The following LHFPL3 variants were observed in gnomAD, a reference collection of about 807,000 sequenced individuals.
The protein encoded by LHFPL3 is LHFPL tetraspan subfamily member 3.
Under a neutral mutation model 19.3 loss-of-function variants are expected in LHFPL3, and 5 were observed. The ratio of observed to expected loss-of-function variants is 0.26; its 90% CI spans 0.14 to 0.54. The LOEUF is 0.54. Among genes scored for constraint, LHFPL3 ranks in the 20% least tolerant of loss-of-function variants. LHFPL3 has a pLI of 0.94. For missense variants in LHFPL3, 249 were observed against 307.4 expected (o/e 0.81, Z 1.42); for synonymous variants, 133 against 126.2 (o/e 1.05, Z -0.36).
chr7:104,821,191 C>T (rs1038869631), intron 2 of LHFPL3, among the ~76,000 whole-genome samples: 1 of 152,190 alleles, frequency 6.6e-6, no homozygotes, highest in Non-Finnish European at 1.5e-5. Context: ...CAAAGAAAAT[C>T]TATTTCATGG....
chr7:104,703,901 T>C (rs1286898221), intron 1 of LHFPL3, among the ~76,000 whole-genome samples: 1 of 152,196 alleles, frequency 6.6e-6, no homozygotes, highest in Non-Finnish European at 1.5e-5. Context: ...CTTCCTGGGC[T>C]TACCTTAGCT....
intron 1 of LHFPL3, among the ~76,000 whole-genome samples, chr7:104,651,625 C>T (rs2008042): frequency 0.97 from 147,898 of 152,352 alleles, 71,921 homozygotes; most frequent in East Asian, 1. Context: ...TTTATAAAAG[C>T]ATACAATAGA....
chr7:104,515,654 G>GT (rs1302400467), intron 1 of LHFPL3, among the ~76,000 whole-genome samples: 1 of 152,174 alleles, frequency 6.6e-6, no homozygotes, highest in Non-Finnish European at 1.5e-5. Flanking sequence ...GAAGTAGTGT[G>GT]TTCCATTCCA....
At chr7:104,639,408 G>C (rs1791788879) in intron 1 of LHFPL3, among the ~76,000 whole-genome samples, 1 of 152,088 alleles carries the variant, frequency 6.6e-6, no homozygotes, top group Admixed American at 6.6e-5. Flanking sequence ...TATTTCTGTG[G>C]AGTCAGTGGT....
intron 1 of LHFPL3, among the ~76,000 whole-genome samples, chr7:104,665,155 G>T (rs1562961079): frequency 6.6e-6 from 1 of 152,106 alleles, no homozygotes; most frequent in Non-Finnish European, 1.5e-5. Flanking sequence ...TTCAAAATAG[G>T]TCATTCACTC....
intron 2 of LHFPL3, among the ~76,000 whole-genome samples, chr7:104,794,656 C>T (rs999981602): frequency 1.3e-5 from 2 of 152,160 alleles, no homozygotes; most frequent in African/African-American, 2.4e-5. Context: ...TCTAATCAAG[C>T]AGTTCAGTGT....
At chr7:104,711,853 T>A (rs1793304881) in intron 1 of LHFPL3, among the ~76,000 whole-genome samples, 1 of 152,330 alleles carries the variant, frequency 6.6e-6, no homozygotes. Flanking sequence ...ATTGATCTCA[T>A]GCCCGTCAAT....
chr7:104,725,196 A>G (rs760341364), intron 1 of LHFPL3, among the ~76,000 whole-genome samples: 6 of 151,988 alleles, frequency 3.9e-5, no homozygotes, highest in African/African-American at 1.2e-4. Context: ...TTTTATCCCA[A>G]TTTGTAACTT....
intron 1 of LHFPL3, among the ~76,000 whole-genome samples, chr7:104,355,795 G>T (rs993024002): frequency 6.6e-6 from 1 of 152,148 alleles, no homozygotes; most frequent in Non-Finnish European, 1.5e-5. Context: ...AGCGGCAAAG[G>T]CTCTTCCTCC....
At chr7:104,592,761 G>C (rs1790753314) in intron 1 of LHFPL3, among the ~76,000 whole-genome samples, 1 of 152,164 alleles carries the variant, frequency 6.6e-6, no homozygotes, top group Non-Finnish European at 1.5e-5. Flanking sequence ...CCCAGTTCCA[G>C]CTTCCTGGCA....
At chr7:104,469,920 C>G (rs1792873986) in intron 1 of LHFPL3, 1 of 431,834 alleles carries the variant, frequency 2.3e-6, no homozygotes, top group African/African-American at 2.0e-5. Context: ...CTAACATTCC[C>G]TCTGAGCACA....
At position 104,535,237 on chromosome 7, in the gene LHFPL3, G is replaced by C. The variant is rs80335452; in HGVS notation, c.446-201438G>C. 8.7e-3 allele frequency among the ~76,000 whole-genome samples: 1,330 copies of C among 152,234 alleles called. 19 individuals carry two copies. Among genetic ancestry groups the C allele is most frequent in the African/African-American group, 0.03 (1,251 of 41,532 alleles). ...CACTTGGTATTATTTCACGTCTCTG[G>C]AAAAGGATTGCTCACATTATATAAC... On this transcript the variant is annotated intron_variant, in intron 1 of 2. Coordinates refer to ENST00000424859, the MANE Select transcript of LHFPL3 (RefSeq NM_199000.3).
At chr7:104,410,975 C>A (rs1303045653) in intron 1 of LHFPL3, among the ~76,000 whole-genome samples, 1 of 152,020 alleles carries the variant, frequency 6.6e-6, no homozygotes, top group Non-Finnish European at 1.5e-5. Context: ...TAGGGCCCAG[C>A]CAGACATTAT....
At chr7:104,834,684 A>G (rs1177328427) in intron 2 of LHFPL3, among the ~76,000 whole-genome samples, 1 of 151,974 alleles carries the variant, frequency 6.6e-6, no homozygotes, top group Non-Finnish European at 1.5e-5. Context: ...CCAATTTTCT[A>G]TTGACTTGTC....
chr7:104,335,576 C>T (rs1225314543), intron 1 of LHFPL3, among the ~76,000 whole-genome samples: 1 of 152,012 alleles, frequency 6.6e-6, no homozygotes, highest in East Asian at 1.9e-4. Context: ...CCCATATAAC[C>T]CATACAATAT....
intron 1 of LHFPL3, among the ~76,000 whole-genome samples, chr7:104,576,939 C>A (rs746793257): frequency 6.6e-6 from 1 of 152,198 alleles, no homozygotes; most frequent in African/African-American, 2.4e-5. Context: ...ATGAATCTGT[C>A]ACCAGAGTTT....
intron 2 of LHFPL3, among the ~76,000 whole-genome samples, chr7:104,879,391 G>A (rs1246026768): frequency 6.6e-6 from 1 of 151,972 alleles, no homozygotes; most frequent in Non-Finnish European, 1.5e-5. Context: ...GCTCTGGTCT[G>A]TGCAACAGAG....
At chr7:104,720,193 A>G (rs907879129) in intron 1 of LHFPL3, among the ~76,000 whole-genome samples, 1 of 152,184 alleles carries the variant, frequency 6.6e-6, no homozygotes, top group South Asian at 2.1e-4. Context: ...CAAAACAGAT[A>G]TATAGACCAA....
At chr7:104,729,331 A>C (rs1225630373) in intron 1 of LHFPL3, among the ~76,000 whole-genome samples, 1 of 152,216 alleles carries the variant, frequency 6.6e-6, no homozygotes, top group African/African-American at 2.4e-5. Context: ...TAGTATATCC[A>C]TCACCTCATA....
Sources: gnomAD v4.1 joint callset for allele counts (sites outside exome capture counted in the v4.1 genomes callset) on GRCh38, gnomAD v4.1.1 for gene constraint, MANE v1.5 for transcripts, NCBI Gene and HGNC (gene_info 2026-07-23, HGNC 2026-07-21) for gene names.